CCSER2: variants seen among roughly 807,000 people sequenced by gnomAD.
CCSER2 encodes serine-rich coiled-coil domain-containing protein 2.
A neutral mutation model predicts 92.3 loss-of-function variants in CCSER2; 46 were observed. The observed-to-expected ratio is 0.50, with a 90% confidence interval of 0.39 to 0.64. The LOEUF (loss-of-function observed/expected upper bound fraction) is 0.64, where lower values mean the gene tolerates loss of function less well. Ranked by LOEUF, CCSER2 falls within the 30% of genes least tolerant of loss-of-function variation. The pLI, the probability that CCSER2 is intolerant of heterozygous loss-of-function variation, is 0.00. For synonymous variants in CCSER2, 433 were observed against 431.4 expected (o/e 1.00, Z -0.04); for missense variants, 1,244 against 1,238.9 (o/e 1.00, Z -0.06).
intron 9 of CCSER2, among the ~76,000 whole-genome samples, chr10:84,484,985 T>A (rs1847720895): frequency 2.0e-5 from 3 of 152,232 alleles, no homozygotes; most frequent in Admixed American, 6.5e-5. Flanking sequence ...TACAGTTACC[T>A]AAATCTGTAT....
At chr10:84,457,321 T>TAATATGTTATATATAA in intron 6 of CCSER2, among the ~76,000 whole-genome samples, 1 of 56,722 alleles carries the variant, frequency 1.8e-5, no homozygotes, top group Admixed American at 3.7e-4. Context: ...ATATAATATA[T>TAATATGTTATATATAA]TATATATAAT....
chr10:84,333,886 C>T (rs1447122635), intron 1 of CCSER2, among the ~76,000 whole-genome samples: 2 of 152,158 alleles, frequency 1.3e-5, no homozygotes, highest in South Asian at 2.1e-4. Context: ...ATGTATTGTA[C>T]CTATTCTAGT....
chr10:84,346,045 A>AT (rs1489526528), intron 1 of CCSER2, among the ~76,000 whole-genome samples: 1 of 152,212 alleles, frequency 6.6e-6, no homozygotes, highest in Non-Finnish European at 1.5e-5. Flanking sequence ...AATAGCTTTT[A>AT]TTAAGTGTCT....
chr10:84,417,428 A>G (rs1842939944), intron 3 of CCSER2, among the ~76,000 whole-genome samples: 1 of 152,186 alleles, frequency 6.6e-6, no homozygotes, highest in Non-Finnish European at 1.5e-5. Flanking sequence ...CACCTCTTAT[A>G]CCAATTATGA....
At chr10:84,376,655 A>G (rs1235624654) in intron 3 of CCSER2, among the ~76,000 whole-genome samples, 2 of 152,026 alleles carry the variant, frequency 1.3e-5, no homozygotes, top group African/African-American at 4.8e-5. Context: ...GATTGTGAAG[A>G]TTTTGATATA....
chr10:84,477,725 A>C (rs1847235527), intron 9 of CCSER2, 61 bp downstream of exon 9: 2 of 843,938 alleles, frequency 2.4e-6, no homozygotes, highest in Non-Finnish European at 3.8e-6. Context: ...GTTTTATTTC[A>C]CTCTTTTTAC....
At chr10:84,385,818 G>T (rs1841171253) in intron 3 of CCSER2, among the ~76,000 whole-genome samples, 1 of 151,966 alleles carries the variant, frequency 6.6e-6, no homozygotes, top group African/African-American at 2.4e-5. Flanking sequence ...CAGAATGTGA[G>T]AAAATATTTC....
intron 9 of CCSER2, among the ~76,000 whole-genome samples, chr10:84,502,457 C>T (rs528961742): frequency 4.6e-5 from 7 of 151,080 alleles, no homozygotes; most frequent in Non-Finnish European, 7.4e-5. Flanking sequence ...CTGCAAGCTC[C>T]GCCTCCCGGG....
intron 9 of CCSER2, among the ~76,000 whole-genome samples, chr10:84,485,110 T>C (rs1847726840): frequency 6.6e-6 from 1 of 152,182 alleles, no homozygotes; most frequent in African/African-American, 2.4e-5. Context: ...GATAAGAAGT[T>C]GCAAAAAATG....
chr10:84,412,368 A>G (rs1242762712), intron 3 of CCSER2, among the ~76,000 whole-genome samples: 5 of 151,904 alleles, frequency 3.3e-5, no homozygotes, highest in Admixed American at 2.0e-4. Context: ...TAGAACTGCT[A>G]CCAGCTCTTC....
chr10:84,338,635 T>C (rs1198249379), intron 1 of CCSER2, among the ~76,000 whole-genome samples: 2 of 152,208 alleles, frequency 1.3e-5, no homozygotes, highest in African/African-American at 4.8e-5. Context: ...AAATTTTGAT[T>C]TAGCAACCTA....
At position 84,365,457 on chromosome 10, in the gene CCSER2, C is replaced by T. The variant is rs148229011; in HGVS notation, c.-39-5557C>T. Among the ~76,000 whole-genome samples, 373 of 152,256 alleles carry T rather than the reference C, an allele frequency of 2.4e-3. 1 individual carries two copies. Among genetic ancestry groups the T allele is most frequent in the African/African-American group, 8.5e-3 (354 of 41,544 alleles). ...ACGAATGAAGTGATAATATTCATAA[C>T]GTAAACTTCATAGTGGAGCTGTCAG... On this transcript the variant is annotated intron_variant, in intron 1 of 9. Transcript: ENST00000372088.
intron 9 of CCSER2, chr10:84,499,887 G>A: frequency 6.2e-7 from 1 of 1,613,900 alleles, no homozygotes; most frequent in African/African-American, 1.3e-5. Context: ...TGGGTATTCT[G>A]CTCCCTCCTT....
At position 84,464,414 on chromosome 10, in the gene CCSER2, T is replaced by G. The variant is rs1041891592; in HGVS notation, c.2148+398T>G. 3.8e-4 allele frequency among the ~76,000 whole-genome samples: 48 copies of G among 125,836 alleles called. 1 individual carries two copies. In the Admixed American group the frequency reaches 3.9e-3, roughly 10 times the overall value. 82.6% of individuals were successfully genotyped at this position (125,836 alleles called of 152,430 possible). On this transcript the variant is annotated intron_variant, in intron 7 of 9. Coordinates refer to ENST00000372088, the MANE Select transcript of CCSER2 (RefSeq NM_001284240.2). ...CATGTTTAAAAATACAGAATACAGA[T>G]GTATTTTTGTGAGTGAAAGTGTTTT...
At chr10:84,466,605 T>C (rs11598150) in intron 7 of CCSER2, among the ~76,000 whole-genome samples, 31,361 of 150,544 alleles carry the variant, frequency 0.21, 3,538 homozygotes, top group Admixed American at 0.34. Context: ...CCTGGGTTCA[T>C]GCCATTCTCC....
intron 6 of CCSER2, among the ~76,000 whole-genome samples, chr10:84,440,474 A>T (rs1316689644): frequency 1.3e-5 from 2 of 152,198 alleles, no homozygotes; most frequent in Non-Finnish European, 2.9e-5. Flanking sequence ...TTTTCAAAAA[A>T]ATTCATACAC....
At chr10:84,468,960 A>T (rs1224596125) in intron 7 of CCSER2, among the ~76,000 whole-genome samples, 1 of 152,194 alleles carries the variant, frequency 6.6e-6, no homozygotes, top group Non-Finnish European at 1.5e-5. Flanking sequence ...TAATATTTAT[A>T]AAACAATACT....
intron 9 of CCSER2, among the ~76,000 whole-genome samples, chr10:84,478,188 T>C (rs1847265936): frequency 6.6e-6 from 1 of 152,220 alleles, no homozygotes; most frequent in Middle Eastern, 3.2e-3. Flanking sequence ...AAATAGGAAG[T>C]AACTATGTAT....
intron 5 of CCSER2, among the ~76,000 whole-genome samples, chr10:84,428,985 G>GTATCTATATATA (rs1554847404): frequency 7.1e-6 from 1 of 140,848 alleles, no homozygotes; most frequent in Non-Finnish European, 1.5e-5. Flanking sequence ...GTGTGTATGT[G>GTATCTATATATA]TATATATATA....
Sources: gnomAD v4.1 joint callset for allele counts (sites outside exome capture counted in the v4.1 genomes callset) on GRCh38, gnomAD v4.1.1 for gene constraint, MANE v1.5 for transcripts, NCBI Gene and HGNC (gene_info 2026-07-23, HGNC 2026-07-21) for gene names.